Variants in PTPRD observed in about 807,000 individuals in gnomAD.
PTPRD encodes receptor-type tyrosine-protein phosphatase delta.
PTPRD carries 34 observed loss-of-function variants against 214.5 expected under a neutral mutation model. That is an observed-to-expected ratio of 0.16 (90% CI 0.12 to 0.21). PTPRD has a LOEUF of 0.21. PTPRD is among the 10% of genes least tolerant of loss of function. The pLI, the probability that PTPRD is intolerant of heterozygous loss-of-function variation, is 1.00. For synonymous variants in PTPRD, 1,128 were observed against 845.7 expected (o/e 1.33, Z -5.79); for missense variants, 2,545 against 2,398.7 (o/e 1.06, Z -1.27).
At chr9:9,494,394 T>C (rs2154213293) in intron 8 of PTPRD, among the ~76,000 whole-genome samples, 1 of 152,254 alleles carries the variant, frequency 6.6e-6, no homozygotes, top group South Asian at 2.1e-4. Context: ...GAAGAGTCAA[T>C]TAAGGAGGCA....
chr9:10,125,843 TTGATA>T (rs1385804648), intron 3 of PTPRD, among the ~76,000 whole-genome samples: 1 of 152,110 alleles, frequency 6.6e-6, no homozygotes, highest in Non-Finnish European at 1.5e-5. Context: ...GAAGTTGGTA[TTGATA>T]TATGGATATA....
chr9:9,712,029 T>G (rs2097744735), intron 7 of PTPRD, among the ~76,000 whole-genome samples: 1 of 152,198 alleles, frequency 6.6e-6, no homozygotes, highest in African/African-American at 2.4e-5. Flanking sequence ...ATTAGCATTG[T>G]GAGATCTCGC....
chr9:10,403,766 AC>A (rs1306200307), intron 2 of PTPRD, among the ~76,000 whole-genome samples: 2 of 151,740 alleles, frequency 1.3e-5, no homozygotes, highest in Non-Finnish European at 2.9e-5. Flanking sequence ...ACACTATATG[AC>A]TGTAACTATA....
At chr9:10,192,910 A>T (rs1193738477) in intron 3 of PTPRD, among the ~76,000 whole-genome samples, 2 of 152,154 alleles carry the variant, frequency 1.3e-5, no homozygotes, top group Non-Finnish European at 2.9e-5. Context: ...CTAAGCAGGG[A>T]GACATCTACC....
chr9:10,287,445 G>A (rs2095395117), intron 3 of PTPRD, among the ~76,000 whole-genome samples: 1 of 152,138 alleles, frequency 6.6e-6, no homozygotes, highest in African/African-American at 2.4e-5. Context: ...CCCGCATGGA[G>A]ACTGTTTCTG....
intron 2 of PTPRD, among the ~76,000 whole-genome samples, chr9:10,353,935 A>G (rs560281259): frequency 8.7e-4 from 132 of 152,170 alleles, no homozygotes; most frequent in African/African-American, 2.8e-3. Context: ...AAAAAAATCA[A>G]TTGAGTAAAT....
chr9:10,060,749 C>T (rs10119561), intron 3 of PTPRD, among the ~76,000 whole-genome samples: 24,354 of 139,830 alleles, frequency 0.17, 6,660 homozygotes, highest in African/African-American at 0.6. Flanking sequence ...ATTTTCCCAC[C>T]ATCAGCATAC....
chr9:10,430,360 T>C (rs1430103988), intron 2 of PTPRD, among the ~76,000 whole-genome samples: 2 of 151,910 alleles, frequency 1.3e-5, no homozygotes, highest in East Asian at 3.9e-4. Context: ...TTTTGCAACA[T>C]TGACAATTAT....
intron 14 of PTPRD, among the ~76,000 whole-genome samples, chr9:8,608,979 G>T (rs997011065): frequency 1.3e-5 from 2 of 152,138 alleles, no homozygotes; most frequent in African/African-American, 4.8e-5. Context: ...GTGAAAAACA[G>T]GCTTCTCAGT....
intron 10 of PTPRD, among the ~76,000 whole-genome samples, chr9:9,111,920 A>G (rs2099806690): frequency 6.6e-6 from 1 of 152,138 alleles, no homozygotes; most frequent in Non-Finnish European, 1.5e-5. Flanking sequence ...CGACTGCTTC[A>G]TAGGCACTTT....
intron 27 of PTPRD, among the ~76,000 whole-genome samples, chr9:8,490,107 G>C (rs1356870450): frequency 6.6e-6 from 1 of 152,174 alleles, no homozygotes; most frequent in African/African-American, 2.4e-5. Context: ...ACTGGAGCTT[G>C]AGGGTTGGTA....
intron 4 of PTPRD, among the ~76,000 whole-genome samples, chr9:9,965,758 G>C (rs1026717852): frequency 3.9e-5 from 6 of 152,072 alleles, no homozygotes; most frequent in African/African-American, 1.4e-4. Context: ...TATCACAATT[G>C]TTAAATGAAA....
intron 4 of PTPRD, among the ~76,000 whole-genome samples, chr9:9,992,056 A>G (rs1053740122): frequency 1.3e-5 from 2 of 152,202 alleles, no homozygotes; most frequent in African/African-American, 4.8e-5. Context: ...CATGAGAGTT[A>G]GAAAGTAGAT....
chr9:8,472,352 C>T (rs1309663930), intron 30 of PTPRD, among the ~76,000 whole-genome samples: 1 of 152,160 alleles, frequency 6.6e-6, no homozygotes, highest in Non-Finnish European at 1.5e-5. Flanking sequence ...AGAGGAAGGA[C>T]ACTCCCAACC....
At chr9:8,999,912 T>C (rs950019119) in intron 11 of PTPRD, among the ~76,000 whole-genome samples, 15 of 152,038 alleles carry the variant, frequency 9.9e-5, no homozygotes, top group African/African-American at 3.6e-4. Flanking sequence ...AACAATTTTC[T>C]AAAAGCCTGG....
chr9:9,357,714 T>TAA (rs1555290879), intron 9 of PTPRD, among the ~76,000 whole-genome samples: 7 of 130,416 alleles, frequency 5.4e-5, no homozygotes, highest in African/African-American at 2.1e-4. Flanking sequence ...GTTTTTAAAA[T>TAA]AAAAAAAAAA....
intron 2 of PTPRD, among the ~76,000 whole-genome samples, chr9:10,424,869 A>C (rs2154518056): frequency 6.6e-6 from 1 of 152,098 alleles, no homozygotes; most frequent in African/African-American, 2.4e-5. Flanking sequence ...TACTTCTCTA[A>C]TAATCACTTT....
intron 9 of PTPRD, among the ~76,000 whole-genome samples, chr9:9,380,950 T>C (rs997723516): frequency 5.6e-4 from 86 of 152,324 alleles, no homozygotes; most frequent in African/African-American, 1.9e-3. Context: ...TCTTTATTCC[T>C]GATACATTTA....
intron 2 of PTPRD, among the ~76,000 whole-genome samples, chr9:10,385,803 G>T (rs1210629413): frequency 6.6e-6 from 1 of 151,596 alleles, no homozygotes; most frequent in African/African-American, 2.4e-5. Context: ...GAGATTCTCT[G>T]GTGAAAGGTG....
Sources: gnomAD v4.1 joint callset for allele counts (sites outside exome capture counted in the v4.1 genomes callset) on GRCh38, gnomAD v4.1.1 for gene constraint, MANE v1.5 for transcripts, NCBI Gene and HGNC (gene_info 2026-07-23, HGNC 2026-07-21) for gene names.